Variants in MYO9A observed in about 807,000 individuals in gnomAD.
MYO9A encodes the protein unconventional myosin-IXa.
In MYO9A, 103 loss-of-function variants were observed where a neutral mutation model predicts 293.3. The observed-to-expected ratio is 0.35, with a 90% CI of 0.30 to 0.41. MYO9A has a LOEUF of 0.41. Ranked by LOEUF, MYO9A falls within the 10% of genes least tolerant of loss-of-function variation. MYO9A has a pLI of 1.00. For missense variants in MYO9A, 2,685 were observed against 3,033.0 expected, an observed-to-expected ratio of 0.89 and a Z score of 2.69; for synonymous variants, 1,001 against 1,035.7, an observed-to-expected ratio of 0.97 and a Z score of 0.64.
chr15:71,929,988 G>T (rs998150284), intron 18 of MYO9A, among the ~76,000 whole-genome samples: 3 of 152,120 alleles, frequency 2.0e-5, no homozygotes, highest in Non-Finnish European at 2.9e-5. Context: ...TCAATTTTTT[G>T]AAAGAGTTTG....
intron 15 of MYO9A, among the ~76,000 whole-genome samples, chr15:71,940,771 A>G (rs1051826937): frequency 5.9e-5 from 9 of 152,190 alleles, no homozygotes; most frequent in African/African-American, 2.2e-4. Context: ...CCTAAAATTA[A>G]CATGGAAATA....
At chr15:72,085,138 T>C (rs1402737598) in intron 1 of MYO9A, among the ~76,000 whole-genome samples, 1 of 152,186 alleles carries the variant, frequency 6.6e-6, no homozygotes, top group African/African-American at 2.4e-5. Flanking sequence ...CTCACGCCTG[T>C]AGTCCCAGCA....
At chr15:71,902,770 A>G (rs1276745635) in intron 22 of MYO9A, among the ~76,000 whole-genome samples, 171 bp downstream of exon 22, 1 of 152,222 alleles carries the variant, frequency 6.6e-6, no homozygotes, top group Non-Finnish European at 1.5e-5. Context: ...AGCACTGGCC[A>G]GAGCTCTGTG....
At chr15:72,033,049 A>G (rs1278577293) in intron 2 of MYO9A, among the ~76,000 whole-genome samples, 5 of 151,962 alleles carry the variant, frequency 3.3e-5, no homozygotes, top group East Asian at 3.9e-4. Flanking sequence ...TGGGGTTTCA[A>G]TGTGTTGCCC....
At position 71,897,605 on chromosome 15, in the gene MYO9A, G is replaced by A. The variant is rs759313193; in HGVS notation, c.4898C>T (p.Ala1633Val). The A allele has an allele frequency of 3.1e-6, 5 of 1,614,026 alleles. No individual in the cohort carries two copies. In the African/African-American group the frequency reaches 4.0e-5, roughly 13 times the overall value. The change falls in exon 25 of 42, where the codon GCC becomes GTC. Residue 1633 changes from alanine (A) to valine (V), a missense_variant. Physicochemically the swap from Ala to Val is moderately conservative, Grantham distance 64 (BLOSUM62 0). Transcript: ENST00000356056. ...TDRMGTQLNVACKLSNNRISK... is the reference protein window; with the variant it reads ...TDRMGTQLNVVCKLSNNRISK... ...AATGCGATTATTTGAGAGTTTACAG[G>A]CTACATTCAGCTGGGTGCCCATTCT...
chr15:71,909,868 A>G (rs1820652492), intron 19 of MYO9A, among the ~76,000 whole-genome samples: 1 of 152,020 alleles, frequency 6.6e-6, no homozygotes, highest in African/African-American at 2.4e-5. Flanking sequence ...GCACAGTGTC[A>G]CATGCCTGTA....
intron 39 of MYO9A, chr15:71,847,269 GA>G: frequency 3.3e-6 from 1 of 307,526 alleles, no homozygotes; most frequent in Non-Finnish European, 7.2e-6. Context: ...AAAAGCAAGT[GA>G]AAGGTAATCA....
chr15:72,069,737 A>C (rs1308565967), intron 1 of MYO9A, among the ~76,000 whole-genome samples: 1 of 152,040 alleles, frequency 6.6e-6, no homozygotes, highest in African/African-American at 2.4e-5. Flanking sequence ...CATACTCATG[A>C]ATTTTTATCC....
chr15:71,916,350 T>G lies in MYO9A; in HGVS notation c.2685+20A>C. ...GAAAGATACAGATTCTTATTTGTTTTAAGCGAAACAAGAAATAACCTGAAA... is the reference window on the plus strand; with the variant it reads ...GAAAGATACAGATTCTTATTTGTTTGAAGCGAAACAAGAAATAACCTGAAA... On this transcript the variant is annotated intron_variant, in intron 19 of 41. Coordinates refer to ENST00000356056, the MANE Select transcript of MYO9A (RefSeq NM_006901.4). 1 of 1,604,324 alleles carries G rather than the reference T, an allele frequency of 6.2e-7. No individual in the cohort carries two copies. Among genetic ancestry groups the G allele is most frequent in the Non-Finnish European group, 8.5e-7 (1 of 1,177,460 alleles).
intron 18 of MYO9A, among the ~76,000 whole-genome samples, chr15:71,927,513 C>T (rs1003105473): frequency 1.4e-4 from 21 of 152,232 alleles, no homozygotes; most frequent in African/African-American, 4.1e-4. Flanking sequence ...TCCAGAACCA[C>T]GCTGAGATAA....
intron 32 of MYO9A, among the ~76,000 whole-genome samples, chr15:71,867,876 T>C (rs8032883): frequency 0.017 from 2,583 of 149,074 alleles, 81 homozygotes; most frequent in African/African-American, 0.061. Flanking sequence ...CTCTTTGTAA[T>C]AGCAGAAGAC....
intron 13 of MYO9A, among the ~76,000 whole-genome samples, chr15:71,961,027 G>A (rs1306103637): frequency 6.6e-6 from 1 of 152,154 alleles, no homozygotes; most frequent in East Asian, 1.9e-4. Flanking sequence ...TTTTATTCAA[G>A]TATAAAGGAA....
At chr15:71,925,344 TA>T (rs1828056323) in intron 18 of MYO9A, among the ~76,000 whole-genome samples, 1 of 150,606 alleles carries the variant, frequency 6.6e-6, no homozygotes, top group Non-Finnish European at 1.5e-5. Context: ...TATATGTACA[TA>T]TATACTTACA....
chr15:72,105,924 G>T lies in MYO9A; in HGVS notation c.-72+11756C>A, dbSNP rs558230189. ...CACTGAATAAAACTATGGTACATCC[G>T]TATAATAGAATATTGTGTCTCCGTA... On this transcript the variant is annotated intron_variant, in intron 1 of 41. Coordinates refer to ENST00000356056, the MANE Select transcript of MYO9A (RefSeq NM_006901.4). 3.9e-5 allele frequency among the ~76,000 whole-genome samples: 6 copies of T among 152,056 alleles called. No individual in the cohort carries two copies. In the East Asian group the frequency reaches 9.6e-4, roughly 24 times the overall value.
intron 19 of MYO9A, among the ~76,000 whole-genome samples, chr15:71,909,598 T>C (rs775658503): frequency 3.3e-5 from 5 of 152,228 alleles, no homozygotes; most frequent in African/African-American, 1.2e-4. Flanking sequence ...TAGTATTCCA[T>C]ATTAATTTAT....
intron 25 of MYO9A, among the ~76,000 whole-genome samples, chr15:71,894,726 T>G (rs561489861): frequency 9.8e-5 from 15 of 152,326 alleles, no homozygotes; most frequent in South Asian, 8.3e-4. Flanking sequence ...TAATTTTGAT[T>G]GAAAAACTGT....
chr15:72,076,944 T>C (rs1316123199), intron 1 of MYO9A, among the ~76,000 whole-genome samples: 2 of 152,082 alleles, frequency 1.3e-5, no homozygotes, highest in Non-Finnish European at 2.9e-5. Flanking sequence ...CACCTGATCT[T>C]TGACAATGAA....
At position 71,897,640 on chromosome 15, in the gene MYO9A, G is replaced by T; in HGVS notation, c.4863C>A (p.Ser1621=). Residue 1621 remains serine, a synonymous_variant, in exon 25 of 42, where the codon TCC becomes TCA. Coordinates refer to ENST00000356056, the MANE Select transcript of MYO9A (RefSeq NM_006901.4). ...GCTGGGTGCCCATTCTGTCTGTCTTGGATAATTCCTTGACAGTACTAGATT... is the reference window on the plus strand; with the variant it reads ...GCTGGGTGCCCATTCTGTCTGTCTTTGATAATTCCTTGACAGTACTAGATT... ...PCQSSTVKEL[S]KTDRMGTQLN... is the part of the protein sequence containing the mutation. 1.2e-6 allele frequency: 2 copies of T among 1,614,038 alleles called. No homozygotes were observed. Among genetic ancestry groups the T allele is most frequent in the South Asian group, 1.1e-5 (1 of 91,064 alleles).
At chr15:72,015,010 ATT>A (rs34039364) in intron 6 of MYO9A, among the ~76,000 whole-genome samples, 4 of 134,626 alleles carry the variant, frequency 3.0e-5, no homozygotes, top group Non-Finnish European at 1.6e-5. Context: ...CGCCCTGCTA[ATT>A]TTTTTTTTTT....
Sources: gnomAD v4.1 joint callset for allele counts (sites outside exome capture counted in the v4.1 genomes callset) on GRCh38, gnomAD v4.1.1 for gene constraint, MANE v1.5 for transcripts, NCBI Gene and HGNC (gene_info 2026-07-23, HGNC 2026-07-21) for gene names.